Variants in ACVR1 observed in about 807,000 individuals in gnomAD.
The protein encoded by ACVR1 is activin receptor type-1.
ACVR1 carries 38 observed loss-of-function variants against 57.1 expected under a neutral mutation model. That is an observed-to-expected ratio of 0.67 (90% confidence interval 0.51 to 0.87). The LOEUF (loss-of-function observed/expected upper bound fraction) is 0.87, where lower values mean the gene tolerates loss of function less well. ACVR1 is among the 40% of genes least tolerant of loss of function. The pLI, the probability that ACVR1 is intolerant of heterozygous loss-of-function variation, is 0.00. For synonymous variants in ACVR1, 212 were observed against 228.1 expected (o/e 0.93, Z 0.63); for missense variants, 463 against 638.2 (o/e 0.73, Z 2.96).
At chr2:157,775,393 G>A (rs1686242348) in intron 5 of ACVR1, among the ~76,000 whole-genome samples, 1 of 152,170 alleles carries the variant, frequency 6.6e-6, no homozygotes, top group Non-Finnish European at 1.5e-5. Context: ...ACAATATTGT[G>A]CCGATGGGTG....
intron 1 of ACVR1, among the ~76,000 whole-genome samples, chr2:157,819,093 A>C (rs1474720945): frequency 2.0e-5 from 3 of 150,842 alleles, no homozygotes; most frequent in Non-Finnish European, 4.4e-5. Context: ...AAAAAAAAAA[A>C]AAAAAAAAAA....
At chr2:157,770,346 AG>A in intron 7 of ACVR1, 21 bp downstream of exon 7, 1 of 1,613,472 alleles carries the variant, frequency 6.2e-7, no homozygotes, top group East Asian at 2.2e-5. Flanking sequence ...ACAATTAATG[AG>A]GGGGTTATCC....
chr2:157,860,593 C>T (rs1689685535), intron 1 of ACVR1, among the ~76,000 whole-genome samples: 1 of 152,204 alleles, frequency 6.6e-6, no homozygotes. Context: ...TAATATCCTG[C>T]ATTTTTCAAA....
chr2:157,852,377 G>A (rs1436906680), intron 1 of ACVR1, among the ~76,000 whole-genome samples: 1 of 151,758 alleles, frequency 6.6e-6, no homozygotes, highest in Admixed American at 6.6e-5. Flanking sequence ...GCATGGCTGT[G>A]GTCCCAGCTA....
At chr2:157,793,956 GC>G (rs1408449721) in intron 3 of ACVR1, among the ~76,000 whole-genome samples, 2 of 152,272 alleles carry the variant, frequency 1.3e-5, no homozygotes, top group East Asian at 3.9e-4. Context: ...TTAGTACCTA[GC>G]AGTCTTCTCT....
intron 9 of ACVR1, among the ~76,000 whole-genome samples, chr2:157,751,394 G>A (rs1002476072): frequency 2.1e-4 from 32 of 152,236 alleles, no homozygotes; most frequent in African/African-American, 7.7e-4. Context: ...AGACCACGGG[G>A]AGATGGAAAC....
intron 9 of ACVR1, among the ~76,000 whole-genome samples, chr2:157,760,362 A>T (rs1156343311): frequency 6.6e-6 from 1 of 152,150 alleles, no homozygotes; most frequent in East Asian, 1.9e-4. Flanking sequence ...TAAGAGCTGG[A>T]TGGAAAAAAT....
At chr2:157,788,677 G>A (rs866009643) in intron 3 of ACVR1, among the ~76,000 whole-genome samples, 27 of 152,218 alleles carry the variant, frequency 1.8e-4, no homozygotes, top group Middle Eastern at 6.8e-3. Flanking sequence ...GTATAGATAA[G>A]GTTCAATACT....
chr2:157,846,418 G>A (rs1369925322), intron 1 of ACVR1, among the ~76,000 whole-genome samples: 3 of 152,162 alleles, frequency 2.0e-5, no homozygotes, highest in African/African-American at 7.2e-5. Context: ...AATTCTTCAT[G>A]AAATGACTCC....
intron 1 of ACVR1, among the ~76,000 whole-genome samples, chr2:157,848,471 G>C (rs1022691048): frequency 1.3e-5 from 2 of 152,192 alleles, no homozygotes; most frequent in Admixed American, 1.3e-4. Flanking sequence ...TGAGCCTTTG[G>C]ATGATTCCAG....
chr2:157,875,814 C>G lies in ACVR1; in HGVS notation c.-201G>C, dbSNP rs1690269479. On this transcript the variant is annotated 5_prime_UTR_variant, in exon 1 of 11. Coordinates refer to ENST00000434821, the MANE Select transcript of ACVR1 (RefSeq NM_001111067.4). ...CGCTCACCTCGGGTCCCGCCGCGGCCGGGGGCTGAGCCGGGGGAGGCGGAG... is the reference window on the plus strand; with the variant it reads ...CGCTCACCTCGGGTCCCGCCGCGGCGGGGGGCTGAGCCGGGGGAGGCGGAG... 1 of 151,572 alleles carries G rather than the reference C, an allele frequency of 6.6e-6. No individual in the cohort carries two copies. The highest frequency in any genetic ancestry group is 2.4e-5 in the African/African-American group (1 of 41,388). 9.4% of individuals were successfully genotyped at this position (151,572 alleles called of 1,614,324 possible).
At chr2:157,839,166 C>G (rs1688890415) in intron 1 of ACVR1, among the ~76,000 whole-genome samples, 1 of 152,182 alleles carries the variant, frequency 6.6e-6, no homozygotes, top group Non-Finnish European at 1.5e-5. Flanking sequence ...GAAGCTGTGC[C>G]CAGAGCCCCT....
At chr2:157,751,993 C>A (rs1685216610) in intron 9 of ACVR1, among the ~76,000 whole-genome samples, 1 of 152,210 alleles carries the variant, frequency 6.6e-6, no homozygotes, top group African/African-American at 2.4e-5. Flanking sequence ...GGCAGGAAGC[C>A]AACCTGCACA....
intron 1 of ACVR1, among the ~76,000 whole-genome samples, chr2:157,870,433 T>G (rs968389667): frequency 1.3e-5 from 2 of 152,218 alleles, no homozygotes; most frequent in African/African-American, 4.8e-5. Flanking sequence ...TGAAAAGTTA[T>G]ATGTGGTATG....
At chr2:157,755,539 A>C (rs571690470) in intron 9 of ACVR1, among the ~76,000 whole-genome samples, 2 of 139,488 alleles carry the variant, frequency 1.4e-5, no homozygotes, top group African/African-American at 5.8e-5. Flanking sequence ...ATACCATACC[A>C]TACCATACCA....
intron 9 of ACVR1, among the ~76,000 whole-genome samples, chr2:157,754,442 A>C (rs1326479645): frequency 1.3e-5 from 2 of 152,212 alleles, no homozygotes. Flanking sequence ...CCAACACCAC[A>C]GAAATACAAA....
chr2:157,799,330 G>T, intron 3 of ACVR1, 97 bp downstream of exon 3: 1 of 801,002 alleles, frequency 1.2e-6, no homozygotes, highest in Non-Finnish European at 2.1e-6. Flanking sequence ...TAAAAAGAGT[G>T]TTTTAAGTTT....
chr2:157,737,731 TG>T lies in ACVR1; in HGVS notation c.1396-67del. ...TTTTTAATGGCCCTGGAAGCTGGGC[TG>T]ATATCATGTCTACTATTCTGAAGAA... On this transcript the variant is annotated intron_variant, in intron 10 of 10. Coordinates refer to ENST00000434821, the MANE Select transcript of ACVR1 (RefSeq NM_001111067.4). 7 of 1,587,910 alleles carry T rather than the reference TG, an allele frequency of 4.4e-6. No homozygotes were observed. In the South Asian group the frequency reaches 6.6e-5, roughly 15 times the overall value.
intron 3 of ACVR1, among the ~76,000 whole-genome samples, chr2:157,786,533 GCTTGC>G: frequency 6.6e-6 from 1 of 152,186 alleles, no homozygotes; most frequent in Non-Finnish European, 1.5e-5. Context: ...TCCTAGAAGA[GCTTGC>G]CATACCATCA....
Sources: allele counts gnomAD v4.1 joint callset (sites outside exome capture counted in the v4.1 genomes callset), GRCh38; gene constraint gnomAD v4.1.1; transcripts MANE v1.5; gene names NCBI Gene and HGNC (gene_info 2026-07-23, HGNC 2026-07-21).